Variants in EEPD1 observed in about 807,000 individuals in gnomAD.
EEPD1 encodes the protein endonuclease/exonuclease/phosphatase family domain-containing protein 1.
Under a neutral mutation model 46.3 loss-of-function variants are expected in EEPD1, and 17 were observed. The ratio of observed to expected loss-of-function variants is 0.37; its 90% CI spans 0.25 to 0.55. The LOEUF (loss-of-function observed/expected upper bound fraction) is 0.55. Among genes scored for constraint, EEPD1 ranks in the 20% least tolerant of loss-of-function variants. The pLI is 0.83. For synonymous variants in EEPD1, 313 were observed against 315.6 expected, an observed-to-expected ratio of 0.99 and a Z score of 0.09; for missense variants, 673 against 745.6, an observed-to-expected ratio of 0.90 and a Z score of 1.13.
chr7:36,222,133 C>A (rs75846975), intron 2 of EEPD1, among the ~76,000 whole-genome samples: 4,137 of 152,300 alleles, frequency 0.027, 196 homozygotes, highest in African/African-American at 0.095. Flanking sequence ...ACTTTTGACT[C>A]CCCCAAAACA....
chr7:36,272,582 G>A (rs539725935), intron 3 of EEPD1, among the ~76,000 whole-genome samples: 1 of 148,996 alleles, frequency 6.7e-6, no homozygotes, highest in South Asian at 2.2e-4. Flanking sequence ...GGTATCTTTG[G>A]GGCACATGGA....
chr7:36,197,671 AGG>A (rs1583802874), intron 2 of EEPD1, among the ~76,000 whole-genome samples: 1 of 152,210 alleles, frequency 6.6e-6, no homozygotes, highest in East Asian at 1.9e-4. Context: ...AAATGGATTA[AGG>A]GCGGTGCAAG....
intron 2 of EEPD1, among the ~76,000 whole-genome samples, chr7:36,213,178 T>C (rs1043905415): frequency 6.6e-6 from 1 of 151,800 alleles, no homozygotes; most frequent in African/African-American, 2.4e-5. Context: ...AATAAATAAA[T>C]AGAAAGCATG....
intron 7 of EEPD1, among the ~76,000 whole-genome samples, chr7:36,297,739 A>G (rs1005350341): frequency 3.9e-5 from 6 of 152,198 alleles, no homozygotes; most frequent in African/African-American, 1.4e-4. Context: ...TCACAATGGG[A>G]CAGGAGAAAT....
At chr7:36,271,750 A>C (rs1345084526) in intron 3 of EEPD1, among the ~76,000 whole-genome samples, 3 of 150,692 alleles carry the variant, frequency 2.0e-5, no homozygotes, top group African/African-American at 4.9e-5. Flanking sequence ...TTAAGTCTTT[A>C]ATCCATCTGG....
chr7:36,167,482 C>G (rs2700913), intron 2 of EEPD1, among the ~76,000 whole-genome samples: 48,504 of 151,942 alleles, frequency 0.32, 8,466 homozygotes, highest in Middle Eastern at 0.43. Context: ...CTCTTAGGGC[C>G]TGGACCCTTG....
chr7:36,270,526 A>G (rs1251658007), intron 3 of EEPD1, among the ~76,000 whole-genome samples: 5 of 152,044 alleles, frequency 3.3e-5, no homozygotes, highest in Non-Finnish European at 7.3e-5. Flanking sequence ...CTCATTGTTC[A>G]ACTCCTACTT....
At chr7:36,160,475 T>A (rs938313733) in intron 2 of EEPD1, among the ~76,000 whole-genome samples, 1 of 144,524 alleles carries the variant, frequency 6.9e-6, no homozygotes, top group Admixed American at 6.9e-5. Context: ...AATTGGCAAG[T>A]GCAGAGGCCC....
intron 2 of EEPD1, among the ~76,000 whole-genome samples, chr7:36,177,720 T>A (rs745421835): frequency 1.2e-4 from 18 of 152,156 alleles, no homozygotes; most frequent in Non-Finnish European, 2.5e-4. Flanking sequence ...TTGTTGTTTG[T>A]TTGTTTGTTT....
chr7:36,208,612 G>A (rs1785867447), intron 2 of EEPD1, among the ~76,000 whole-genome samples: 1 of 152,226 alleles, frequency 6.6e-6, no homozygotes, highest in South Asian at 2.1e-4. Context: ...TAGAGTTTGA[G>A]AAACAGGAAG....
At chr7:36,215,956 T>C (rs538000779) in intron 2 of EEPD1, among the ~76,000 whole-genome samples, 23 of 152,348 alleles carry the variant, frequency 1.5e-4, no homozygotes, top group African/African-American at 5.3e-4. Flanking sequence ...TCCTCCTGGG[T>C]CTAGTTTACC....
chr7:36,219,196 T>G (rs1786088125), intron 2 of EEPD1, among the ~76,000 whole-genome samples: 1 of 152,108 alleles, frequency 6.6e-6, no homozygotes, highest in Non-Finnish European at 1.5e-5. Flanking sequence ...TTGTGGAATG[T>G]AGGCAGTGTG....
chr7:36,187,450 C>CT (rs1785379172), intron 2 of EEPD1, among the ~76,000 whole-genome samples: 1 of 152,164 alleles, frequency 6.6e-6, no homozygotes. Context: ...CTTTCTGTCT[C>CT]TATGAATTTG....
At chr7:36,285,805 C>A (rs1233817693) in intron 5 of EEPD1, among the ~76,000 whole-genome samples, 1 of 152,200 alleles carries the variant, frequency 6.6e-6, no homozygotes, top group African/African-American at 2.4e-5. Flanking sequence ...TGGGAGCAGC[C>A]CCTGTGTTGA....
intron 2 of EEPD1, among the ~76,000 whole-genome samples, chr7:36,181,056 G>T (rs76918959): frequency 0.011 from 1,721 of 152,258 alleles, 17 homozygotes; most frequent in Non-Finnish European, 0.018. Flanking sequence ...CCCAAGACCT[G>T]CTAGGGCTGA....
chr7:36,244,006 C>T (rs1437315816), intron 3 of EEPD1, among the ~76,000 whole-genome samples: 1 of 151,756 alleles, frequency 6.6e-6, no homozygotes, highest in East Asian at 1.9e-4. Context: ...ATGTAACTAA[C>T]CTGCACATTG....
chr7:36,296,835 T>C (rs1787532968), intron 6 of EEPD1, among the ~76,000 whole-genome samples, 158 bp from the exon 7 acceptor site: 1 of 151,782 alleles, frequency 6.6e-6, no homozygotes, highest in African/African-American at 2.4e-5. Context: ...GATATGCACA[T>C]GAAATGTGGA....
intron 3 of EEPD1, among the ~76,000 whole-genome samples, chr7:36,255,328 A>G (rs1163517986): frequency 1.3e-5 from 2 of 152,170 alleles, no homozygotes; most frequent in Non-Finnish European, 2.9e-5. Context: ...AGTGCAAGGA[A>G]GGGATCCAGT....
At chr7:36,258,831 C>T (rs547170184) in intron 3 of EEPD1, among the ~76,000 whole-genome samples, 13 of 145,678 alleles carry the variant, frequency 8.9e-5, no homozygotes, top group South Asian at 2.2e-4. Context: ...CGGGAGTGAA[C>T]GGTGAACGGT....
Sources: gnomAD v4.1 joint callset for allele counts (sites outside exome capture counted in the v4.1 genomes callset) on GRCh38, gnomAD v4.1.1 for gene constraint, MANE v1.5 for transcripts, NCBI Gene and HGNC (gene_info 2026-07-23, HGNC 2026-07-21) for gene names.